CNTN4: variants seen among roughly 807,000 people sequenced by gnomAD.
CNTN4 encodes contactin 4, also known as contactin-4.
In CNTN4, 77 loss-of-function variants were observed where a neutral mutation model predicts 122.5. That is an observed-to-expected ratio of 0.63 (90% CI 0.52 to 0.76). The LOEUF is 0.76. Ranked by LOEUF, CNTN4 falls within the 30% of genes least tolerant of loss-of-function variation. The pLI is 0.00. For missense variants in CNTN4, 1,256 were observed against 1,259.1 expected (o/e 1.00, Z 0.04); for synonymous variants, 512 against 447.0 (o/e 1.15, Z -1.83).
At position 3,030,934 on chromosome 3, in the gene CNTN4, G is replaced by A. The variant is rs1378802192; in HGVS notation, c.1742G>A (p.Ser581Asn). The change falls in exon 16 of 25, where the codon AGT becomes AAT. Residue 581 changes from serine (S) to asparagine (N), a missense_variant. Transcript: ENST00000418658. ...AAATATGTCTGCATGGTCCAAACAA[G>A]TGTGGACAGGCTATCTGCTGCTGCA... is the stretch of plus-strand genomic sequence containing the variant. ...AGKYVCMVQT[S>N]VDRLSAAADL... 6.2e-7 allele frequency: 1 copy of A among 1,613,966 alleles called. No individual in the cohort carries two copies. The highest frequency in any genetic ancestry group is 1.3e-5 in the African/African-American group (1 of 74,920).
At chr3:2,951,387 G>A (rs1041297566) in intron 13 of CNTN4, among the ~76,000 whole-genome samples, 1 of 152,168 alleles carries the variant, frequency 6.6e-6, no homozygotes, top group South Asian at 2.1e-4. Flanking sequence ...GTCCTGTCCT[G>A]TGAGAATCTA....
chr3:2,532,570 T>C (rs185140553), intron 3 of CNTN4, among the ~76,000 whole-genome samples: 3 of 152,320 alleles, frequency 2.0e-5, no homozygotes, highest in African/African-American at 7.2e-5. Flanking sequence ...AATATAGTTC[T>C]ATGAAAGCAA....
At chr3:2,473,670 C>G (rs1168969699) in intron 3 of CNTN4, among the ~76,000 whole-genome samples, 3 of 152,110 alleles carry the variant, frequency 2.0e-5, no homozygotes, top group Non-Finnish European at 4.4e-5. Context: ...GATTAGTGGT[C>G]TCCCTTGCAT....
At chr3:2,803,465 A>G (rs1379574114) in intron 6 of CNTN4, among the ~76,000 whole-genome samples, 2 of 152,184 alleles carry the variant, frequency 1.3e-5, no homozygotes, top group East Asian at 1.9e-4. Flanking sequence ...CAGGCTTTTT[A>G]TATCAGTTTA....
intron 3 of CNTN4, among the ~76,000 whole-genome samples, chr3:2,422,809 T>G (rs1355571580): frequency 6.6e-6 from 1 of 152,210 alleles, no homozygotes; most frequent in Non-Finnish European, 1.5e-5. Context: ...TTCAAAGGGT[T>G]GCTTTATCAC....
chr3:2,218,926 A>G (rs2038956675), intron 2 of CNTN4, among the ~76,000 whole-genome samples: 1 of 152,186 alleles, frequency 6.6e-6, no homozygotes, highest in African/African-American at 2.4e-5. Flanking sequence ...AAGCTGTGCT[A>G]TGGCATGTGA....
chr3:2,790,549 G>C (rs1046062990), intron 6 of CNTN4, among the ~76,000 whole-genome samples: 4 of 152,170 alleles, frequency 2.6e-5, no homozygotes, highest in Non-Finnish European at 5.9e-5. Flanking sequence ...TGACAAGCTT[G>C]CTGTGCAGTG....
At chr3:2,465,679 A>G (rs1157308171) in intron 3 of CNTN4, among the ~76,000 whole-genome samples, 1 of 152,206 alleles carries the variant, frequency 6.6e-6, no homozygotes, top group Non-Finnish European at 1.5e-5. Context: ...TCCATCTCAA[A>G]AAAATAAAAA....
At chr3:2,993,299 A>ATTTTTT (rs576176618) in intron 14 of CNTN4, among the ~76,000 whole-genome samples, 3 of 143,920 alleles carry the variant, frequency 2.1e-5, no homozygotes, top group Non-Finnish European at 1.5e-5. Context: ...AGACTGTGTA[A>ATTTTTT]TTTTTTTTTT....
At chr3:2,774,401 C>T (rs2091231823) in intron 6 of CNTN4, among the ~76,000 whole-genome samples, 1 of 152,176 alleles carries the variant, frequency 6.6e-6, no homozygotes, top group Admixed American at 6.5e-5. Flanking sequence ...TCTTCCACGT[C>T]ACTTTTATGT....
chr3:2,485,017 C>T (rs2076110464), intron 3 of CNTN4, among the ~76,000 whole-genome samples: 1 of 152,226 alleles, frequency 6.6e-6, no homozygotes, highest in Non-Finnish European at 1.5e-5. Context: ...GGGCTGGTGC[C>T]ACTGGCCCCG....
At chr3:2,141,482 G>T (rs1453209510) in intron 2 of CNTN4, among the ~76,000 whole-genome samples, 1 of 152,072 alleles carries the variant, frequency 6.6e-6, no homozygotes, top group Non-Finnish European at 1.5e-5. Context: ...AGGAAGCCCT[G>T]CCCAGTCTTA....
intron 2 of CNTN4, among the ~76,000 whole-genome samples, chr3:2,260,946 G>T (rs1189286746): frequency 1.3e-5 from 2 of 151,932 alleles, no homozygotes; most frequent in Non-Finnish European, 2.9e-5. Context: ...GGCCAGGCTG[G>T]TCTCAAAGTC....
At chr3:2,530,508 C>A (rs569074951) in intron 3 of CNTN4, among the ~76,000 whole-genome samples, 1 of 151,982 alleles carries the variant, frequency 6.6e-6, no homozygotes, top group Admixed American at 6.6e-5. Context: ...AGGGGTTTCA[C>A]CATGTTGGCC....
chr3:2,924,783 G>C lies in CNTN4; in HGVS notation c.1208-846G>C, dbSNP rs139913713. Among the ~76,000 whole-genome samples, 1,115 of 152,266 alleles carry C rather than the reference G, an allele frequency of 7.3e-3. 12 individuals carry two copies. Among genetic ancestry groups the C allele is most frequent in the Non-Finnish European group, 9.5e-3 (646 of 68,008 alleles). On this transcript the variant is annotated intron_variant, in intron 12 of 24. Transcript: ENST00000418658. ...CCAAGCATTGCATTGGGCACTTGCA[G>C]TGAAAAGCTAAACAAAACCCTGTGT...
intron 3 of CNTN4, among the ~76,000 whole-genome samples, chr3:2,538,104 T>C (rs1190812181): frequency 6.6e-6 from 1 of 152,050 alleles, no homozygotes; most frequent in Non-Finnish European, 1.5e-5. Context: ...ATATGACTGG[T>C]GTCCTTATAA....
At chr3:2,299,432 G>A (rs967392497) in intron 2 of CNTN4, among the ~76,000 whole-genome samples, 5 of 151,928 alleles carry the variant, frequency 3.3e-5, no homozygotes, top group African/African-American at 9.7e-5. Context: ...AGTAGTGTAC[G>A]TTGTACCTAA....
intron 2 of CNTN4, among the ~76,000 whole-genome samples, chr3:2,178,106 A>G (rs765849336): frequency 6.6e-6 from 1 of 152,064 alleles, no homozygotes; most frequent in Non-Finnish European, 1.5e-5. Flanking sequence ...AGCAGGATGC[A>G]CTGCTTTCAT....
At chr3:2,208,796 C>A (rs1285738756) in intron 2 of CNTN4, among the ~76,000 whole-genome samples, 2 of 152,024 alleles carry the variant, frequency 1.3e-5, no homozygotes, top group Non-Finnish European at 2.9e-5. Flanking sequence ...GAGACAAGAC[C>A]CTCTACCAGC....
Sources: allele counts gnomAD v4.1 joint callset (sites outside exome capture counted in the v4.1 genomes callset), GRCh38; gene constraint gnomAD v4.1.1; transcripts MANE v1.5; gene names NCBI Gene and HGNC (gene_info 2026-07-23, HGNC 2026-07-21).